GADL1: variants seen among roughly 807,000 people sequenced by gnomAD.
The protein encoded by GADL1 is GAD like acidic amino acid decarboxylase 1.
GADL1 carries 71 observed loss-of-function variants against 69.5 expected under a neutral mutation model. The ratio of observed to expected loss-of-function variants is 1.02; its 90% CI spans 0.84 to 1.25. The LOEUF is 1.25. GADL1 is among the 50% of genes most tolerant of loss of function. GADL1 has a pLI of 0.00. For synonymous variants in GADL1, 254 were observed against 214.4 expected, an observed-to-expected ratio of 1.18 and a Z score of -1.62; for missense variants, 737 against 631.8, an observed-to-expected ratio of 1.17 and a Z score of -1.79.
intron 14 of GADL1, among the ~76,000 whole-genome samples, chr3:30,756,200 C>T (rs1695965522): frequency 6.6e-6 from 1 of 152,118 alleles, no homozygotes; most frequent in Non-Finnish European, 1.5e-5. Flanking sequence ...TTTTTATGGA[C>T]CATGACAATG....
At chr3:30,758,753 A>G (rs559241672) in intron 14 of GADL1, among the ~76,000 whole-genome samples, 1 of 151,364 alleles carries the variant, frequency 6.6e-6, no homozygotes, top group South Asian at 2.1e-4. Context: ...TAAAGCAAGT[A>G]TTTATTTATT....
chr3:30,730,467 A>C (rs1457758279), intron 14 of GADL1, among the ~76,000 whole-genome samples: 1 of 152,168 alleles, frequency 6.6e-6, no homozygotes, highest in African/African-American at 2.4e-5. Flanking sequence ...CAGGTGTCTG[A>C]GTACTTACTT....
chr3:30,889,859 G>A (rs1698763674), intron 1 of GADL1, among the ~76,000 whole-genome samples: 1 of 152,058 alleles, frequency 6.6e-6, no homozygotes, highest in South Asian at 2.1e-4. Context: ...TTCCCTCCTT[G>A]TAAAAGCAAT....
At chr3:30,735,773 G>A (rs1204959274) in intron 14 of GADL1, among the ~76,000 whole-genome samples, 1 of 152,134 alleles carries the variant, frequency 6.6e-6, no homozygotes, top group Non-Finnish European at 1.5e-5. Flanking sequence ...GGGTGCAAAG[G>A]AAGAAGGCAT....
At chr3:30,793,124 A>C (rs2125502915) in intron 12 of GADL1, among the ~76,000 whole-genome samples, 2 of 152,300 alleles carry the variant, frequency 1.3e-5, no homozygotes, top group South Asian at 4.1e-4. Flanking sequence ...ACATTTAACC[A>C]TGGAACTATT....
chr3:30,876,377 G>A (rs1426321981), intron 1 of GADL1, among the ~76,000 whole-genome samples: 2 of 151,856 alleles, frequency 1.3e-5, no homozygotes, highest in Non-Finnish European at 2.9e-5. Context: ...GGTTTCTGAA[G>A]AAAAGGCTCT....
At chr3:30,769,052 G>GTT (rs1696355336) in intron 14 of GADL1, among the ~76,000 whole-genome samples, 1 of 152,168 alleles carries the variant, frequency 6.6e-6, no homozygotes, top group African/African-American at 2.4e-5. Flanking sequence ...GTTGTGTTGT[G>GTT]GGTATGGATT....
At chr3:30,748,561 C>T (rs1410666637) in intron 14 of GADL1, among the ~76,000 whole-genome samples, 2 of 152,156 alleles carry the variant, frequency 1.3e-5, no homozygotes, top group Non-Finnish European at 2.9e-5. Context: ...TTCAAACAAG[C>T]ATCTATCAGC....
At chr3:30,753,882 C>G (rs1350398570) in intron 14 of GADL1, among the ~76,000 whole-genome samples, 1 of 152,124 alleles carries the variant, frequency 6.6e-6, no homozygotes, top group African/African-American at 2.4e-5. Context: ...TTAGTGGACC[C>G]TGCAAATGAG....
intron 14 of GADL1, among the ~76,000 whole-genome samples, chr3:30,773,239 T>C (rs1696458848): frequency 6.6e-6 from 1 of 152,222 alleles, no homozygotes; most frequent in Admixed American, 6.5e-5. Flanking sequence ...TACATGTAGA[T>C]AATTTTTAAA....
intron 11 of GADL1, among the ~76,000 whole-genome samples, chr3:30,805,280 A>T (rs1009000749): frequency 1.3e-5 from 2 of 152,190 alleles, no homozygotes; most frequent in Non-Finnish European, 2.9e-5. Context: ...CAAACCAAAA[A>T]TGCTTAGATT....
chr3:30,778,279 GA>G lies in GADL1; in HGVS notation c.1303-12del, dbSNP rs1559497136. 2 of 1,532,660 alleles carry G rather than the reference GA, an allele frequency of 1.3e-6. No individual in the cohort carries two copies. Among genetic ancestry groups the G allele is most frequent in the Non-Finnish European group, 1.8e-6 (2 of 1,111,324 alleles). The allele number at this position is 1,532,660 out of a possible 1,614,324, so 94.9% of individuals were successfully genotyped here. A position where few individuals can be genotyped will look rare whatever the true frequency, so the allele number is the denominator to read the frequency against. Reference sequence around the variant, plus strand: ...ATTGGCATATTCAGGCTGAGAATTAGAAAAAATATAAAGTTGTTATCTTAAG... The same window carrying G: ...ATTGGCATATTCAGGCTGAGAATTAGAAAAATATAAAGTTGTTATCTTAAG... On this transcript the variant is annotated splice_polypyrimidine_tract_variant and intron_variant, in intron 13 of 14. Coordinates refer to ENST00000282538, the MANE Select transcript of GADL1 (RefSeq NM_207359.3).
At chr3:30,876,860 G>A (rs1342228932) in intron 1 of GADL1, among the ~76,000 whole-genome samples, 3 of 151,850 alleles carry the variant, frequency 2.0e-5, no homozygotes, top group African/African-American at 7.2e-5. Context: ...TACCCAGCAG[G>A]ATTAAGCTTT....
At chr3:30,853,088 G>A (rs1698174188) in intron 4 of GADL1, among the ~76,000 whole-genome samples, 1 of 151,988 alleles carries the variant, frequency 6.6e-6, no homozygotes, top group Admixed American at 6.6e-5. Context: ...CTAGCCTTTT[G>A]TTTTTTTCCT....
chr3:30,756,719 C>T (rs1295187501), intron 14 of GADL1, among the ~76,000 whole-genome samples: 1 of 152,152 alleles, frequency 6.6e-6, no homozygotes, highest in African/African-American at 2.4e-5. Context: ...GTTTAGTTGT[C>T]CCAGATGAGG....
At chr3:30,751,495 C>T (rs1019084665) in intron 14 of GADL1, among the ~76,000 whole-genome samples, 5 of 150,554 alleles carry the variant, frequency 3.3e-5, no homozygotes, top group Non-Finnish European at 5.9e-5. Context: ...GTAACTAGAA[C>T]CTGGGCAACT....
At chr3:30,787,838 G>A (rs376045972) in intron 12 of GADL1, among the ~76,000 whole-genome samples, 14 of 152,166 alleles carry the variant, frequency 9.2e-5, no homozygotes, top group East Asian at 1.9e-4. Flanking sequence ...GGATTATTAC[G>A]TCATTTTAGG....
chr3:30,772,646 G>A (rs748396589), intron 14 of GADL1, among the ~76,000 whole-genome samples: 9 of 152,188 alleles, frequency 5.9e-5, no homozygotes, highest in Non-Finnish European at 1.0e-4. Flanking sequence ...GGGGGCTGAG[G>A]TGGGTGAATC....
intron 1 of GADL1, among the ~76,000 whole-genome samples, chr3:30,887,872 TA>T (rs1194987186): frequency 6.6e-6 from 1 of 152,192 alleles, no homozygotes; most frequent in Non-Finnish European, 1.5e-5. Context: ...AAAACTATTT[TA>T]AAAATGCAAG....
Sources: allele counts gnomAD v4.1 joint callset (sites outside exome capture counted in the v4.1 genomes callset), GRCh38; gene constraint gnomAD v4.1.1; transcripts MANE v1.5; gene names NCBI Gene and HGNC (gene_info 2026-07-23, HGNC 2026-07-21).